The following ANKRD28 variants were observed in gnomAD, a reference collection of about 807,000 sequenced individuals.
ANKRD28 encodes the protein ankyrin repeat domain 28, also known as serine/threonine-protein phosphatase 6 regulatory ankyrin repeat subunit A.
Under a neutral mutation model 126.5 loss-of-function variants are expected in ANKRD28, and 44 were observed. That is an observed-to-expected ratio of 0.35 (90% CI 0.27 to 0.45). The LOEUF (loss-of-function observed/expected upper bound fraction) is 0.45, where lower values mean the gene tolerates loss of function less well. Among genes scored for constraint, ANKRD28 ranks in the 20% least tolerant of loss-of-function variants. The pLI, the probability that ANKRD28 is intolerant of heterozygous loss-of-function variation, is 1.00. For synonymous variants in ANKRD28, 442 were observed against 468.5 expected (o/e 0.94, Z 0.73); for missense variants, 1,110 against 1,316.6 (o/e 0.84, Z 2.43).
At chr3:15,722,087 T>C (rs1333014023) in intron 7 of ANKRD28, among the ~76,000 whole-genome samples, 2 of 152,120 alleles carry the variant, frequency 1.3e-5, no homozygotes, top group Non-Finnish European at 2.9e-5. Context: ...GTTTATATGA[T>C]TAGTGTGTAG....
At chr3:15,724,255 A>G in intron 7 of ANKRD28, 127 bp downstream of exon 7, 1 of 818,262 alleles carries the variant, frequency 1.2e-6, no homozygotes, top group Non-Finnish European at 1.8e-6. Flanking sequence ...AAAGGACTAT[A>G]AATATCCAAT....
intron 4 of ANKRD28, among the ~76,000 whole-genome samples, chr3:15,744,999 G>A (rs2057383918): frequency 6.6e-6 from 1 of 152,098 alleles, no homozygotes; most frequent in South Asian, 2.1e-4. Context: ...AATTAGTGAT[G>A]TTATTTTTCC....
chr3:15,707,292 G>A (rs2071588336), intron 14 of ANKRD28, among the ~76,000 whole-genome samples: 1 of 152,114 alleles, frequency 6.6e-6, no homozygotes, highest in Non-Finnish European at 1.5e-5. Context: ...ATTACAGATA[G>A]GTCTGATAAC....
chr3:15,705,545 A>G (rs941658636), intron 14 of ANKRD28, among the ~76,000 whole-genome samples: 41 of 152,364 alleles, frequency 2.7e-4, no homozygotes, highest in Admixed American at 9.1e-4. Flanking sequence ...AAATCAAACC[A>G]TGAAATTATA....
intron 2 of ANKRD28, among the ~76,000 whole-genome samples, chr3:15,789,947 A>C (rs2059950848): frequency 1.3e-5 from 2 of 152,178 alleles, no homozygotes; most frequent in Non-Finnish European, 1.5e-5. Flanking sequence ...CTTACACAGA[A>C]ATTACGACTT....
In ANKRD28 at chr3:15,804,850, C is replaced by A. The variant is rs1283105570; in HGVS notation, c.28-9544G>T. ...TGTGGAACTGGGGTATGAGATGTGACAGATGATAGCAACAAGAAATAGAAG... is the reference window on the plus strand; with the variant it reads ...TGTGGAACTGGGGTATGAGATGTGAAAGATGATAGCAACAAGAAATAGAAG... On this transcript the variant is annotated intron_variant, in intron 1 of 27. Coordinates refer to the ANKRD28 transcript ENST00000399451. Among the ~76,000 whole-genome samples the A allele has an allele frequency of 1.4e-5, 2 of 145,342 alleles. 1 individual carries two copies. Among genetic ancestry groups the A allele is most frequent in the African/African-American group, 5.1e-5 (2 of 38,862 alleles).
At chr3:15,736,954 T>C in intron 5 of ANKRD28, 79 bp downstream of exon 5, 1 of 1,433,632 alleles carries the variant, frequency 7.0e-7, no homozygotes, top group Non-Finnish European at 9.7e-7. Flanking sequence ...GCCTTTACTA[T>C]GCAAAAATGC....
At chr3:15,762,375 A>C (rs1217337361) in intron 3 of ANKRD28, among the ~76,000 whole-genome samples, 1 of 152,096 alleles carries the variant, frequency 6.6e-6, no homozygotes, top group Non-Finnish European at 1.5e-5. Flanking sequence ...GTTATCCATA[A>C]ATTACAGGAG....
chr3:15,796,371 G>T, intron 1 of ANKRD28, 34 bp downstream of exon 1: 1 of 1,215,054 alleles, frequency 8.2e-7, no homozygotes, highest in Non-Finnish European at 1.1e-6. Context: ...TAGTTCAGTA[G>T]AATATAGTAA....
chr3:15,722,140 C>T (rs1049079496), intron 7 of ANKRD28, among the ~76,000 whole-genome samples: 1 of 152,074 alleles, frequency 6.6e-6, no homozygotes, highest in Admixed American at 6.5e-5. Flanking sequence ...GTCCTTTGCC[C>T]CTGGCTTCAG....
intron 9 of ANKRD28, 25 bp downstream of exon 9, chr3:15,714,553 A>G (rs530577100): frequency 2.0e-6 from 3 of 1,525,864 alleles, no homozygotes; most frequent in Non-Finnish European, 2.6e-6. Flanking sequence ...AAAAACCCCA[A>G]AAAAAAAACA....
At chr3:15,714,529 T>TAAG in intron 9 of ANKRD28, 49 bp downstream of exon 9, 1 of 807,362 alleles carries the variant, frequency 1.2e-6, no homozygotes. Flanking sequence ...TTACTACATT[T>TAAG]AAGAAAAAAA....
chr3:15,697,183 C>G (rs1246372661), intron 14 of ANKRD28: 1 of 152,116 alleles, frequency 6.6e-6, no homozygotes, highest in African/African-American at 2.4e-5. Context: ...TGAAGCAATT[C>G]AGGGATGGAA....
chr3:15,839,150 G>A lies in ANKRD28; in HGVS notation c.27+20227C>T, dbSNP rs556082354. ...TAGGTACAAGGTATCTTTTTGGGGT[G>A]ATGAAAATACTCTAAAACTGGTTTG... is the stretch of plus-strand genomic sequence containing the variant. On this transcript the variant is annotated intron_variant, in intron 1 of 27. Coordinates refer to the ANKRD28 transcript ENST00000399451. The surrounding 1 kb of genome is among the most constrained non-coding windows in gnomAD (Gnocchi z 4.3). Among the ~76,000 whole-genome samples the A allele has an allele frequency of 4.7e-4, 72 of 152,188 alleles. No individual in the cohort carries two copies. The highest frequency in any genetic ancestry group is 9.6e-4 in the Non-Finnish European group (65 of 68,012).
chr3:15,695,140 G>A lies in ANKRD28; in HGVS notation c.1686+48C>T, dbSNP rs573027270. ...AAACAGATAAACATAACTGGTAGGA[G>A]GGAACTGACCAATACTAATTGGTGG... On this transcript the variant is annotated intron_variant, in intron 16 of 27. Transcript: ENST00000683139. 8.0e-5 allele frequency: 116 copies of A among 1,453,898 alleles called. 2 individuals are homozygous for A. In the South Asian group the frequency reaches 1.3e-3, roughly 17 times the overall value. 90.1% of individuals were successfully genotyped at this position (1,453,898 alleles called of 1,614,324 possible).
chr3:15,709,385 CCATAGT>C (rs2126041680), intron 13 of ANKRD28, among the ~76,000 whole-genome samples: 1 of 152,030 alleles, frequency 6.6e-6, no homozygotes, highest in Admixed American at 6.6e-5. Context: ...CTTTACATTT[CCATAGT>C]CATAATTTTT....
chr3:15,766,108 TAA>T, intron 3 of ANKRD28, 124 bp downstream of exon 3: 1 of 655,896 alleles, frequency 1.5e-6, no homozygotes, highest in Non-Finnish European at 2.5e-6. Context: ...AATATAAAAA[TAA>T]GTTTCAGCTG....
chr3:15,723,700 G>A (rs1053027755), intron 7 of ANKRD28, among the ~76,000 whole-genome samples: 19 of 152,138 alleles, frequency 1.2e-4, no homozygotes, highest in African/African-American at 4.6e-4. Context: ...GAGCCCAGGA[G>A]TTCAAGGTTG....
upstream of ANKRD28, among the ~76,000 whole-genome samples, chr3:15,799,495 C>T (rs1559554508): frequency 6.6e-6 from 1 of 151,870 alleles, no homozygotes; most frequent in Non-Finnish European, 1.5e-5. Context: ...ATATAAAATA[C>T]TTTTATGCCA....
Sources: allele counts gnomAD v4.1 joint callset (sites outside exome capture counted in the v4.1 genomes callset), GRCh38; gene constraint gnomAD v4.1.1; non-coding constraint Gnocchi (gnomAD v3.1); transcripts MANE v1.5; gene names NCBI Gene and HGNC (gene_info 2026-07-23, HGNC 2026-07-21).